SLCO6A1: variants seen among roughly 807,000 people sequenced by gnomAD.
SLCO6A1 encodes cancer/testis antigen 48.
SLCO6A1 carries 65 observed loss-of-function variants against 72.7 expected under a neutral mutation model. The observed-to-expected ratio is 0.89, with a 90% CI of 0.73 to 1.10. SLCO6A1 has a LOEUF of 1.10. SLCO6A1 is among the 50% of genes least tolerant of loss of function. The pLI is 0.00. For missense variants in SLCO6A1, 874 were observed against 872.6 expected, an observed-to-expected ratio of 1.00 and a Z score of -0.02; for synonymous variants, 314 against 298.2, an observed-to-expected ratio of 1.05 and a Z score of -0.55.
At chr5:102,442,122 T>A (rs1749868346) in intron 6 of SLCO6A1, among the ~76,000 whole-genome samples, 2 of 152,176 alleles carry the variant, frequency 1.3e-5, no homozygotes, top group Non-Finnish European at 2.9e-5. Flanking sequence ...AAGAAACAAA[T>A]CTAGTTTTTA....
intron 2 of SLCO6A1, among the ~76,000 whole-genome samples, chr5:102,478,384 T>C (rs1752021731): frequency 6.6e-6 from 1 of 152,228 alleles, no homozygotes; most frequent in Non-Finnish European, 1.5e-5. Context: ...TTCTAGATTA[T>C]CTGCGTTATC....
At chr5:102,486,773 T>C (rs1752459220) in intron 1 of SLCO6A1, among the ~76,000 whole-genome samples, 1 of 152,152 alleles carries the variant, frequency 6.6e-6, no homozygotes, top group Non-Finnish European at 1.5e-5. Context: ...TTGTCTTTAC[T>C]ATGATTCTCT....
chr5:102,381,860 T>C (rs1475254602), intron 12 of SLCO6A1, among the ~76,000 whole-genome samples: 1 of 151,648 alleles, frequency 6.6e-6, no homozygotes, highest in Admixed American at 6.6e-5. Context: ...GCCATTTTTA[T>C]GTCATCTTTT....
At chr5:102,386,457 C>T (rs78530799) in intron 12 of SLCO6A1, among the ~76,000 whole-genome samples, 3,994 of 152,242 alleles carry the variant, frequency 0.026, 78 homozygotes, top group Non-Finnish European at 0.043. Flanking sequence ...TTGGGGTCTA[C>T]TGGAGTGAGC....
chr5:102,376,765 T>C (rs1260712189), intron 12 of SLCO6A1, among the ~76,000 whole-genome samples: 1 of 152,232 alleles, frequency 6.6e-6, no homozygotes, highest in East Asian at 1.9e-4. Flanking sequence ...GAGCATCTGA[T>C]AGGTCATAAG....
At chr5:102,431,361 G>C (rs757690845) in intron 7 of SLCO6A1, among the ~76,000 whole-genome samples, 12 of 151,708 alleles carry the variant, frequency 7.9e-5, no homozygotes, top group Non-Finnish European at 1.6e-4. Flanking sequence ...TTTTAAATTG[G>C]GGTTTTTCTA....
chr5:102,451,350 T>C (rs1750407295), intron 6 of SLCO6A1, among the ~76,000 whole-genome samples: 1 of 152,148 alleles, frequency 6.6e-6, no homozygotes, highest in Non-Finnish European at 1.5e-5. Context: ...TGGCAAGGTG[T>C]AGTGGAGGCT....
intron 6 of SLCO6A1, among the ~76,000 whole-genome samples, chr5:102,446,382 G>A (rs927925890): frequency 2.0e-5 from 3 of 152,112 alleles, no homozygotes; most frequent in Non-Finnish European, 4.4e-5. Flanking sequence ...GACATTATTG[G>A]TGTAGAGAAA....
rs1180762063 is a variant in SLCO6A1, at chr5:102,399,544, T to C, written c.1814+11A>G. 2 of 1,466,320 alleles carry C rather than the reference T, an allele frequency of 1.4e-6. No homozygotes were observed. The highest frequency in any genetic ancestry group is 4.4e-5 in the Admixed American group (2 of 45,596). The allele number at this position is 1,466,320 out of a possible 1,614,324, so 90.8% of individuals were successfully genotyped here. On this transcript the variant is annotated intron_variant, in intron 10 of 13. Transcript: ENST00000506729. The stretch of plus-strand genomic sequence containing the variant: ...TTAAATAAACAATAATAATGAGTAA[T>C]ATATACATACCGCGTCATGGCCAAG...
intron 12 of SLCO6A1, among the ~76,000 whole-genome samples, chr5:102,382,478 T>C (rs1746162488): frequency 7.6e-6 from 1 of 131,636 alleles, no homozygotes; most frequent in South Asian, 2.5e-4. Context: ...TTTTGTGATT[T>C]CATGCAAATT....
At chr5:102,399,140 GTTA>G (rs1318393719) in intron 10 of SLCO6A1, among the ~76,000 whole-genome samples, 3 of 152,058 alleles carry the variant, frequency 2.0e-5, no homozygotes, top group African/African-American at 7.2e-5. Flanking sequence ...AATTCTAAAA[GTTA>G]TTATGCTCCT....
chr5:102,377,159 G>T (rs1745845698), intron 12 of SLCO6A1, among the ~76,000 whole-genome samples: 1 of 152,072 alleles, frequency 6.6e-6, no homozygotes, highest in Non-Finnish European at 1.5e-5. Context: ...GCAAGACATT[G>T]TCTCAAAAAT....
intron 12 of SLCO6A1, 107 bp from the exon 13 acceptor site, chr5:102,373,601 G>C: frequency 2.8e-6 from 2 of 712,658 alleles, no homozygotes; most frequent in Non-Finnish European, 2.0e-6. Flanking sequence ...ACCTATAAAG[G>C]TATAAATTTC....
At chr5:102,438,551 A>G (rs937818201) in intron 7 of SLCO6A1, 66 bp downstream of exon 7, 18 of 1,242,392 alleles carry the variant, frequency 1.4e-5, no homozygotes, top group Non-Finnish European at 1.9e-5. Context: ...TATTTCAAGT[A>G]TTTCATAAGT....
Position 102,388,905 on chromosome 5 carries a change from T to C in SLCO6A1, c.1880-80A>G. The C allele has an allele frequency of 2.4e-6, 3 of 1,251,068 alleles. No individual in the cohort carries two copies. In the East Asian group the frequency reaches 8.0e-5, roughly 33 times the overall value. The allele number at this position is 1,251,068 out of a possible 1,614,324, so 77.5% of individuals were successfully genotyped here. ...ATGTAATGCACACACAGATAATATA[T>C]ATGAATGACGACTCATCATTCAAAA... On this transcript the variant is annotated intron_variant, in intron 11 of 13. Coordinates refer to ENST00000506729, the MANE Select transcript of SLCO6A1 (RefSeq NM_173488.5).
intron 9 of SLCO6A1, among the ~76,000 whole-genome samples, chr5:102,410,430 G>A (rs1580374134): frequency 1.3e-5 from 2 of 152,262 alleles, no homozygotes; most frequent in South Asian, 2.1e-4. Flanking sequence ...GCCAGAAAAG[G>A]CACCACACCT....
intron 10 of SLCO6A1, chr5:102,391,353 C>G (rs1002855041): frequency 3.4e-6 from 1 of 292,954 alleles, no homozygotes; most frequent in Non-Finnish European, 6.4e-6. Context: ...TTTATACTTA[C>G]CGGTTTTCAT....
chr5:102,461,706 A>ATATTT (rs1259254963), intron 4 of SLCO6A1, among the ~76,000 whole-genome samples: 2 of 152,160 alleles, frequency 1.3e-5, no homozygotes, highest in African/African-American at 4.8e-5. Flanking sequence ...GCAATTAGAT[A>ATATTT]TCCTGTTGAA....
In SLCO6A1 at chr5:102,389,312, C is replaced by T. The variant is rs115195011; in HGVS notation, c.1880-487G>A. Among the ~76,000 whole-genome samples the T allele has an allele frequency of 4.9e-3, 740 of 152,112 alleles. 4 individuals carry two copies. Among genetic ancestry groups the T allele is most frequent in the South Asian group, 7.5e-3 (36 of 4,820 alleles). ...ATACACTGGCATGTTTATAGTAGCC[C>T]CAGATTCAGATGACCTCAGATCCAG... is the stretch of plus-strand genomic sequence containing the variant. On this transcript the variant is annotated intron_variant, in intron 11 of 13. Coordinates refer to ENST00000506729, the MANE Select transcript of SLCO6A1 (RefSeq NM_173488.5).
Sources: allele counts gnomAD v4.1 joint callset (sites outside exome capture counted in the v4.1 genomes callset), GRCh38; gene constraint gnomAD v4.1.1; transcripts MANE v1.5; gene names NCBI Gene and HGNC (gene_info 2026-07-23, HGNC 2026-07-21).